Variants in ELSPBP1 observed in about 807,000 individuals in gnomAD.
ELSPBP1 encodes epididymal sperm binding protein 1.
ELSPBP1 carries 38 observed loss-of-function variants against 33.3 expected under a neutral mutation model. That is an observed-to-expected ratio of 1.14 (90% CI 0.88 to 1.50). ELSPBP1 has a LOEUF of 1.50. ELSPBP1 is among the 40% of genes most tolerant of loss of function. ELSPBP1 has a pLI of 0.00. For synonymous variants in ELSPBP1, 85 were observed against 94.1 expected (o/e 0.90, Z 0.56); for missense variants, 267 against 263.5 (o/e 1.01, Z -0.09).
At chr19:48,009,220 A>T (rs1425743593) in intron 2 of ELSPBP1, among the ~76,000 whole-genome samples, 1 of 152,098 alleles carries the variant, frequency 6.6e-6, no homozygotes, top group Non-Finnish European at 1.5e-5. Flanking sequence ...TTGGTCAAGC[A>T]ACATAAGCTC....
At chr19:48,020,917 G>C (rs1600112529) in intron 5 of ELSPBP1, among the ~76,000 whole-genome samples, 1 of 152,150 alleles carries the variant, frequency 6.6e-6, no homozygotes, top group Non-Finnish European at 1.5e-5. Context: ...GCTGTGGGTG[G>C]GGGGGTGTGT....
chr19:48,018,865 C>T (rs117295062), intron 4 of ELSPBP1, among the ~76,000 whole-genome samples: 2,984 of 152,154 alleles, frequency 0.02, 50 homozygotes, highest in Middle Eastern at 0.048. Context: ...ATCTTAATAA[C>T]GTCTTGGGCT....
At chr19:48,007,312 G>A (rs888562961) in intron 1 of ELSPBP1, among the ~76,000 whole-genome samples, 2 of 152,132 alleles carry the variant, frequency 1.3e-5, no homozygotes, top group Non-Finnish European at 2.9e-5. Context: ...CTGACTCTGA[G>A]ATACATCACG....
At chr19:48,018,917 G>T (rs1967169224) in intron 4 of ELSPBP1, among the ~76,000 whole-genome samples, 1 of 152,222 alleles carries the variant, frequency 6.6e-6, no homozygotes, top group Non-Finnish European at 1.5e-5. Flanking sequence ...ACTGTGGGAG[G>T]CCGAGGCAGG....
chr19:47,998,095 T>C (rs900723776), intron 1 of ELSPBP1, among the ~76,000 whole-genome samples: 2 of 152,062 alleles, frequency 1.3e-5, no homozygotes, highest in African/African-American at 4.8e-5. Context: ...TACTCCAAAA[T>C]TGGTAGTCAG....
In ELSPBP1 at chr19:48,011,842, G is replaced by T. The variant is rs71355783; in HGVS notation, c.71-2329G>T. On this transcript the variant is annotated intron_variant, in intron 2 of 6. Coordinates refer to ENST00000339841, the MANE Select transcript of ELSPBP1 (RefSeq NM_022142.5). The surrounding 1 kb of genome is among the most constrained non-coding windows in gnomAD (Gnocchi z 4.5). ...TTATTAAGCAGCAGCCATGCTCCAG[G>T]TACTCTTCTAAGCACTTTCCAGATT... 0.17 allele frequency among the ~76,000 whole-genome samples: 25,398 copies of T among 151,960 alleles called. 2,173 individuals are homozygous for T. The highest frequency in any genetic ancestry group is 0.23 in the South Asian group (1,097 of 4,816).
chr19:48,019,710 C>A lies in ELSPBP1; in HGVS notation c.356-9C>A. The A allele has an allele frequency of 6.2e-7, 1 of 1,612,820 alleles. No individual in the cohort carries two copies. Among genetic ancestry groups the A allele is most frequent in the Non-Finnish European group, 8.5e-7 (1 of 1,179,494 alleles). On this transcript the variant is annotated splice_polypyrimidine_tract_variant and intron_variant, in intron 4 of 6. Coordinates refer to ENST00000339841, the MANE Select transcript of ELSPBP1 (RefSeq NM_022142.5). ...TCTTGACCCGTAACCTTTCCATAAT[C>A]CTTTTCAGAGTATGGGGGAAATTCT...
intron 4 of ELSPBP1, among the ~76,000 whole-genome samples, chr19:48,017,101 T>G (rs1344414310): frequency 6.6e-6 from 1 of 152,244 alleles, no homozygotes; most frequent in Non-Finnish European, 1.5e-5. Context: ...CCAGTATAAC[T>G]GAGCCCTTCC....
chr19:48,011,354 GAT>G lies in ELSPBP1; in HGVS notation c.70+2618_70+2619del, dbSNP rs1967076319. Among the ~76,000 whole-genome samples, 2 of 151,094 alleles carry G rather than the reference GAT, an allele frequency of 1.3e-5. No homozygotes were observed. The highest frequency in any genetic ancestry group is 4.9e-5 in the African/African-American group (2 of 41,050). On this transcript the variant is annotated intron_variant, in intron 2 of 6. Transcript: ENST00000339841. This position sits in a 1 kb window ranked among gnomAD's most constrained non-coding sequence, Gnocchi z 4.5. The stretch of plus-strand genomic sequence containing the variant: ...GACTGATGATGATGACAATTATGAC[GAT>G]GATGATGATGATGGTGACAATGATG...
intron 1 of ELSPBP1, among the ~76,000 whole-genome samples, chr19:47,997,256 G>T (rs1966920434): frequency 6.6e-6 from 1 of 152,120 alleles, no homozygotes; most frequent in African/African-American, 2.4e-5. Flanking sequence ...CCATCTCATT[G>T]TTGCAGATTT....
Position 48,019,808 on chromosome 19 carries a change from A to G in ELSPBP1, c.445A>G (p.Asn149Asp). Reference protein sequence around the residue: ...VVSDCMEDESNKLWCPTTENM... With the variant: ...VVSDCMEDESDKLWCPTTENM... ...CTCTGATTGCATGGAGGATGAAAGC[A>G]ACAAGCTCTGGTGCCCAACCACAGA... is the stretch of plus-strand genomic sequence containing the variant. Residue 149 changes from asparagine (N) to aspartate (D), a missense_variant, in exon 5 of 7, where the codon AAC becomes GAC. Physicochemically the swap from Asn to Asp is conservative, Grantham distance 23. Transcript: ENST00000339841. 6.2e-7 allele frequency: 1 copy of G among 1,614,140 alleles called. No individual in the cohort carries two copies. The highest frequency in any genetic ancestry group is 8.5e-7 in the Non-Finnish European group (1 of 1,180,012).
chr19:47,998,740 T>TCG (rs1966937122), intron 1 of ELSPBP1, among the ~76,000 whole-genome samples: 1 of 143,556 alleles, frequency 7.0e-6, no homozygotes, highest in Non-Finnish European at 1.5e-5. Flanking sequence ...TGAGCCGAGA[T>TCG]CGCGCCACTG....
chr19:48,016,377 C>T (rs938014401), intron 4 of ELSPBP1, among the ~76,000 whole-genome samples: 3 of 151,988 alleles, frequency 2.0e-5, no homozygotes, highest in Non-Finnish European at 4.4e-5. Context: ...TCTTTCCTTC[C>T]TTCCTTCCTT....
At chr19:47,998,446 AATCTCAGGGATTGGGC>A (rs368925805) in intron 1 of ELSPBP1, among the ~76,000 whole-genome samples, 1,942 of 151,754 alleles carry the variant, frequency 0.013, 24 homozygotes, top group East Asian at 0.046. Flanking sequence ...TCAATCAATC[AATCTCAGGGATTGGGC>A]TAATGAGCCC....
chr19:48,012,360 C>T (rs997618255), intron 2 of ELSPBP1, among the ~76,000 whole-genome samples: 2 of 151,830 alleles, frequency 1.3e-5, no homozygotes, highest in South Asian at 2.1e-4. Context: ...TGAAGCGATC[C>T]GCCCACCTCA....
chr19:48,011,285 ACC>A lies in ELSPBP1; in HGVS notation c.70+2549_70+2550del, dbSNP rs1967075131. Among the ~76,000 whole-genome samples the A allele has an allele frequency of 6.6e-6, 1 of 151,966 alleles. No individual in the cohort carries two copies. The highest frequency in any genetic ancestry group is 1.5e-5 in the Non-Finnish European group (1 of 67,980). On this transcript the variant is annotated intron_variant, in intron 2 of 6. Transcript: ENST00000339841. The surrounding 1 kb of genome is among the most constrained non-coding windows in gnomAD (Gnocchi z 4.5). ...GATGATGACAATGACGATGATGATCACCATGATAATGACAATAATGAGGTTGA... is the reference window on the plus strand; with the variant it reads ...GATGATGACAATGACGATGATGATCAATGATAATGACAATAATGAGGTTGA...
At chr19:47,999,656 G>A (rs1048032085) in intron 1 of ELSPBP1, among the ~76,000 whole-genome samples, 1 of 151,910 alleles carries the variant, frequency 6.6e-6, no homozygotes, top group Non-Finnish European at 1.5e-5. Context: ...CCAAAGTGCT[G>A]GGATTACAGG....
intron 4 of ELSPBP1, among the ~76,000 whole-genome samples, chr19:48,018,490 A>T (rs904479886): frequency 6.6e-6 from 1 of 152,230 alleles, no homozygotes; most frequent in East Asian, 1.9e-4. Flanking sequence ...ACATTAGATC[A>T]TAGAAGTAAT....
At chr19:48,015,789 C>CTAAG in intron 3 of ELSPBP1, 104 bp from the exon 4 acceptor site, 1 of 1,096,418 alleles carries the variant, frequency 9.1e-7, no homozygotes, top group South Asian at 1.9e-5. Context: ...CTCTTCTGAA[C>CTAAG]CTTATGTCTG....
Sources: allele counts gnomAD v4.1 joint callset (sites outside exome capture counted in the v4.1 genomes callset), GRCh38; gene constraint gnomAD v4.1.1; non-coding constraint Gnocchi (gnomAD v3.1); transcripts MANE v1.5; gene names NCBI Gene and HGNC (gene_info 2026-07-23, HGNC 2026-07-21).